The following HEXA variants were observed in gnomAD, a reference collection of about 807,000 sequenced individuals.
HEXA encodes hexosaminidase subunit alpha, also known as beta-hexosaminidase subunit alpha.
Under a neutral mutation model 73.3 loss-of-function variants are expected in HEXA, and 54 were observed. The observed-to-expected ratio is 0.74, with a 90% CI of 0.59 to 0.92. The LOEUF (loss-of-function observed/expected upper bound fraction) is 0.92, where lower values mean the gene tolerates loss of function less well. Among genes scored for constraint, HEXA ranks in the 40% least tolerant of loss-of-function variants. HEXA has a pLI of 0.00. For missense variants in HEXA, 649 were observed against 653.0 expected, an observed-to-expected ratio of 0.99 and a Z score of 0.07; for synonymous variants, 230 against 246.9, an observed-to-expected ratio of 0.93 and a Z score of 0.64.
At chr15:72,357,902 A>G (rs1226895617) in intron 1 of HEXA, 1 of 152,190 alleles carries the variant, frequency 6.6e-6, no homozygotes, top group Non-Finnish European at 1.5e-5. Context: ...AATACCCTGG[A>G]TCCCCACACC....
chr15:72,375,787 G>A lies in HEXA; in HGVS notation c.186C>T (p.Asp62=), dbSNP rs765001944. 1 of 1,614,246 alleles carries A rather than the reference G, an allele frequency of 6.2e-7. No homozygotes were observed. Among genetic ancestry groups the A allele is most frequent in the East Asian group, 2.2e-5 (1 of 44,888 alleles). Residue 62 remains aspartate (D), a synonymous_variant, in exon 1 of 14, where the codon GAC becomes GAT. Transcript: ENST00000268097. ...SAAQPGCSVL[D]EAFQRYRDLL... is the part of the protein sequence containing the mutation. ...GGTCACGATAGCGCTGGAAGGCCTC[G>A]TCGAGGACTGAGCAGCCGGGCTGCG...
At chr15:72,345,338 C>A in intron 13 of HEXA, 108 bp downstream of exon 13, 1 of 1,552,450 alleles carries the variant, frequency 6.4e-7, no homozygotes, top group Non-Finnish European at 8.7e-7. Flanking sequence ...TGACTATAAG[C>A]CTCTGTAAGT....
intron 1 of HEXA, among the ~76,000 whole-genome samples, chr15:72,375,050 C>A (rs548905514): frequency 6.6e-6 from 1 of 151,152 alleles, no homozygotes; most frequent in East Asian, 1.9e-4. Flanking sequence ...ATTTCTTTCA[C>A]AATTTACACT....
Position 72,353,145 on chromosome 15 carries a change from G to A in HEXA, c.493C>T (p.Pro165Ser). 1 of 1,612,966 alleles carries A rather than the reference G, an allele frequency of 6.2e-7. No homozygotes were observed. Among genetic ancestry groups the A allele is most frequent in the Non-Finnish European group, 8.5e-7 (1 of 1,178,990 alleles). ...AGCAAGCCCCGGTGAGGAAAGCGGG[G>A]AAAGTCCTCAATCTCAGTCTTGTTG... ...FINKTEIEDF[P>S]RFPHRGLLLD... Residue 165 changes from proline to serine, a missense_variant, in exon 5 of 14, where the codon CCC becomes TCC. Transcript: ENST00000268097.
At position 72,341,878 on chromosome 15, in the gene HEXA, G is replaced by C. The variant is rs2088558132; in HGVS notation, c.*2199C>G. 1 of 152,156 alleles carries C rather than the reference G, an allele frequency of 6.6e-6. No individual in the cohort carries two copies. The highest frequency in any genetic ancestry group is 1.5e-5 in the Non-Finnish European group (1 of 68,036). 9.4% of individuals were successfully genotyped at this position (152,156 alleles called of 1,614,324 possible). On this transcript the variant is annotated 3_prime_UTR_variant, in exon 14 of 14. Transcript: ENST00000268097. Reference sequence around the variant, plus strand: ...GTGACCAGGCCACGTTAGTTTAGTGGTAAAAATAATAACATTAAAGAAAAT... The same window carrying C: ...GTGACCAGGCCACGTTAGTTTAGTGCTAAAAATAATAACATTAAAGAAAAT...
chr15:72,353,942 A>C (rs543009464), intron 3 of HEXA: 1 of 628,544 alleles, frequency 1.6e-6, no homozygotes, highest in Non-Finnish European at 2.9e-6. Context: ...TCATTTTGGG[A>C]GATGTCAGAG....
rs200926928 is a variant in HEXA, at chr15:72,349,076, T to C, written c.986+3A>G. On this transcript the variant is annotated splice_donor_region_variant and intron_variant, in intron 8 of 13. Transcript: ENST00000268097. ...CACAGTGGGAAGATCAAAGGGCTCATACCAGCAGGTGAAATCAACCTCATC... is the reference window on the plus strand; with the variant it reads ...CACAGTGGGAAGATCAAAGGGCTCACACCAGCAGGTGAAATCAACCTCATC... The C allele has an allele frequency of 2.9e-5, 47 of 1,612,988 alleles. No homozygotes were observed. Among genetic ancestry groups the C allele is most frequent in the Non-Finnish European group, 3.8e-5 (45 of 1,178,992 alleles).
chr15:72,346,156 G>C, intron 12 of HEXA, 79 bp downstream of exon 12: 1 of 977,920 alleles, frequency 1.0e-6, no homozygotes, highest in Non-Finnish European at 1.6e-6. Flanking sequence ...GTCCAGAGGT[G>C]GCTAGATGGG....
chr15:72,363,233 G>T (rs1488411966), intron 1 of HEXA, among the ~76,000 whole-genome samples: 7 of 152,154 alleles, frequency 4.6e-5, no homozygotes, highest in African/African-American at 1.7e-4. Context: ...TAGGTGCTGG[G>T]GCAGTTAAAA....
intron 13 of HEXA, among the ~76,000 whole-genome samples, chr15:72,344,460 T>C (rs2288258): frequency 0.15 from 22,136 of 152,128 alleles, 2,635 homozygotes; most frequent in African/African-American, 0.32. Flanking sequence ...CTTTAGAATA[T>C]AGATGGATGT....
At position 72,351,107 on chromosome 15, in the gene HEXA, T is replaced by C. The variant is rs757141411; in HGVS notation, c.672+26A>G. 3 of 1,415,924 alleles carry C rather than the reference T, an allele frequency of 2.1e-6. No individual in the cohort carries two copies. The African/African-American group carries it at 4.2e-5, about 20-fold the overall frequency. 87.7% of individuals were successfully genotyped at this position (1,415,924 alleles called of 1,614,324 possible). On this transcript the variant is annotated intron_variant, in intron 6 of 13. Transcript: ENST00000268097. ...CAGATTCAGACATTGACCCATAAAC[T>C]TGGTCTGAGTGAAACGGGAACATAC...
Position 72,357,650 on chromosome 15 carries a change from T to C in HEXA, c.254-1033A>G, listed in dbSNP as rs560702543. On this transcript the variant is annotated intron_variant, in intron 1 of 13. Transcript: ENST00000268097. The stretch of plus-strand genomic sequence containing the variant: ...TCCATGACTTCTTATGGCACTACAA[T>C]GTCAGGGATAGGATGGCCTGGCAGA... 4 of 152,222 alleles carry C rather than the reference T, an allele frequency of 2.6e-5. No individual in the cohort carries two copies. The East Asian group carries it at 7.7e-4, about 29-fold the overall frequency. 9.4% of individuals were successfully genotyped at this position (152,222 alleles called of 1,614,324 possible). A position where few individuals can be genotyped will look rare whatever the true frequency, so the allele number is the denominator to read the frequency against.
intron 12 of HEXA, 162 bp from the exon 13 acceptor site, chr15:72,345,712 A>C: frequency 8.7e-7 from 1 of 1,148,758 alleles, no homozygotes; most frequent in Non-Finnish European, 1.2e-6. Context: ...GATGGCTCCC[A>C]GAGAGTTCTA....
chr15:72,347,873 G>C, intron 9 of HEXA, 115 bp from the exon 10 acceptor site: 1 of 1,099,132 alleles, frequency 9.1e-7, no homozygotes, highest in Non-Finnish European at 1.4e-6. Flanking sequence ...TCATTAAGCA[G>C]TGTCTTTCCC....
intron 1 of HEXA, among the ~76,000 whole-genome samples, chr15:72,373,914 G>A (rs937510628): frequency 1.3e-5 from 2 of 151,262 alleles, no homozygotes; most frequent in African/African-American, 2.4e-5. Context: ...CAGGAGAATC[G>A]CTTGAACCCA....
At chr15:72,369,217 G>A (rs2140338808) in intron 1 of HEXA, among the ~76,000 whole-genome samples, 1 of 152,288 alleles carries the variant, frequency 6.6e-6, no homozygotes, top group South Asian at 2.1e-4. Context: ...CCAATAATGG[G>A]TTTTATTCAT....
chr15:72,368,344 G>A (rs1567305361), intron 1 of HEXA, among the ~76,000 whole-genome samples: 1 of 152,194 alleles, frequency 6.6e-6, no homozygotes, highest in Non-Finnish European at 1.5e-5. Flanking sequence ...AGACTGTACA[G>A]TGACAAAAGC....
intron 1 of HEXA, among the ~76,000 whole-genome samples, chr15:72,362,891 T>A (rs1026757751): frequency 1.3e-5 from 2 of 152,064 alleles, no homozygotes; most frequent in East Asian, 1.9e-4. Flanking sequence ...CCCAGCACTA[T>A]GGAAAAAAAA....
In HEXA at chr15:72,351,096, G is replaced by T; in HGVS notation, c.672+37C>A. 3.1e-6 allele frequency: 4 copies of T among 1,302,472 alleles called. No individual in the cohort carries two copies. The South Asian group carries it at 3.5e-5, about 12-fold the overall frequency. The allele number at this position is 1,302,472 out of a possible 1,614,324, so 80.7% of individuals were successfully genotyped here. ...AGGGCCACAGCCAGATTCAGACATT[G>T]ACCCATAAACTTGGTCTGAGTGAAA... is the stretch of plus-strand genomic sequence containing the variant. On this transcript the variant is annotated intron_variant, in intron 6 of 13. Transcript: ENST00000268097.
Sources: allele counts gnomAD v4.1 joint callset (sites outside exome capture counted in the v4.1 genomes callset), GRCh38; gene constraint gnomAD v4.1.1; transcripts MANE v1.5; gene names NCBI Gene and HGNC (gene_info 2026-07-23, HGNC 2026-07-21).